The following STON2 variants were observed in gnomAD, a reference collection of about 807,000 sequenced individuals.
The protein encoded by STON2 is stonin-2.
A neutral mutation model predicts 65.7 loss-of-function variants in STON2; 29 were observed. That is an observed-to-expected ratio of 0.44 (90% CI 0.33 to 0.60). The LOEUF is 0.60. Among genes scored for constraint, STON2 ranks in the 20% least tolerant of loss-of-function variants. The pLI is 0.03. For synonymous variants in STON2, 404 were observed against 414.2 expected (o/e 0.98, Z 0.30); for missense variants, 1,054 against 1,118.1 (o/e 0.94, Z 0.82).
intron 4 of STON2, among the ~76,000 whole-genome samples, chr14:81,334,537 G>A (rs1048511215): frequency 2.0e-5 from 3 of 152,188 alleles, no homozygotes; most frequent in Admixed American, 2.0e-4. Flanking sequence ...GCCCAGGCAA[G>A]CTCTTCATAT....
chr14:81,347,454 C>A (rs1216611954), intron 4 of STON2, among the ~76,000 whole-genome samples: 2 of 151,392 alleles, frequency 1.3e-5, no homozygotes, highest in Non-Finnish European at 2.9e-5. Context: ...AAAGAAAAGC[C>A]CAGGGTCAGA....
intron 4 of STON2, among the ~76,000 whole-genome samples, chr14:81,334,867 T>A (rs1354073848): frequency 6.6e-6 from 1 of 152,146 alleles, no homozygotes; most frequent in Non-Finnish European, 1.5e-5. Context: ...AGACAGAGTC[T>A]CATTCTGTCA....
chr14:81,301,037 G>A (rs1002927281), intron 5 of STON2, among the ~76,000 whole-genome samples: 2 of 152,058 alleles, frequency 1.3e-5, no homozygotes, highest in Non-Finnish European at 2.9e-5. Flanking sequence ...ACAACATGAC[G>A]AATCTCATAA....
chr14:81,271,352 G>A (rs556519634), intron 6 of STON2, among the ~76,000 whole-genome samples: 2 of 152,186 alleles, frequency 1.3e-5, no homozygotes, highest in South Asian at 2.1e-4. Context: ...ATGCTTTTGC[G>A]GGTAAATGAT....
intron 7 of STON2, chr14:81,269,507 T>C (rs1249703107): frequency 9.1e-6 from 9 of 985,318 alleles, no homozygotes; most frequent in Non-Finnish European, 1.1e-5. Context: ...AGGTTGCTCC[T>C]CTCAGCACCA....
intron 6 of STON2, among the ~76,000 whole-genome samples, chr14:81,272,868 T>C (rs1166479650): frequency 6.6e-6 from 1 of 152,180 alleles, no homozygotes; most frequent in East Asian, 1.9e-4. Flanking sequence ...CCCTATTTTA[T>C]AGATGAAAAA....
chr14:81,405,105 CTTGAATCTGTATGTCCAT>C (rs1282024928), upstream of STON2, among the ~76,000 whole-genome samples: 5 of 152,186 alleles, frequency 3.3e-5, no homozygotes, highest in African/African-American at 1.2e-4. Context: ...AGTGGAGTTT[CTTGAATCTGTATGTCCAT>C]TTTTTCATTA....
At chr14:81,372,689 A>T in intron 3 of STON2, among the ~76,000 whole-genome samples, 1 of 152,154 alleles carries the variant, frequency 6.6e-6, no homozygotes, top group East Asian at 1.9e-4. Context: ...AGTACCCATC[A>T]AATGTCAGGT....
At chr14:81,379,408 G>A (rs185140182) in intron 3 of STON2, among the ~76,000 whole-genome samples, 1 of 152,130 alleles carries the variant, frequency 6.6e-6, no homozygotes, top group African/African-American at 2.4e-5. Context: ...TATATATGGA[G>A]ATATATATAT....
chr14:81,338,214 A>G (rs954831962), intron 4 of STON2, among the ~76,000 whole-genome samples: 7 of 152,194 alleles, frequency 4.6e-5, no homozygotes, highest in African/African-American at 1.7e-4. Context: ...AGGGGAACCA[A>G]CCATGTGATG....
Position 81,270,868 on chromosome 14 carries a change from G to A in STON2, c.2586C>T (p.Ser862=), listed in dbSNP as rs761988062. Reference sequence around the variant, plus strand: ...GGCAAAAGAAACAGTGTGGGTGACCGGAAGCTATGAAAGAAAGACAATCGA... The same window carrying A: ...GGCAAAAGAAACAGTGTGGGTGACCAGAAGCTATGAAAGAAAGACAATCGA... The part of the protein sequence containing the change: ...INRLPDKNSA[S]GHPHCFFCHL... Residue 862 remains serine (S), a synonymous_variant, in exon 7 of 8, where the codon TCC becomes TCT. Transcript: ENST00000614646. The A allele has an allele frequency of 1.1e-5, 17 of 1,612,308 alleles. No individual in the cohort carries two copies. The highest frequency in any genetic ancestry group is 2.7e-5 in the African/African-American group (2 of 74,872).
In STON2 at chr14:81,398,589, C is replaced by CA. The variant is rs2140444956; in HGVS notation, c.-198-10dup. ...ATCTGCCAGGCAGAAATCTGTTTAACAAACAAACAAACAAAAAATTAAAAA... is the reference window on the plus strand; with the variant it reads ...ATCTGCCAGGCAGAAATCTGTTTAACAAAACAAACAAACAAAAAATTAAAAA... On this transcript the variant is annotated splice_polypyrimidine_tract_variant and intron_variant, in intron 1 of 7. Coordinates refer to ENST00000614646, the MANE Select transcript of STON2 (RefSeq NM_001394390.1). The CA allele has an allele frequency of 1.1e-5, 5 of 469,996 alleles. No individual in the cohort carries two copies. Among genetic ancestry groups the CA allele is most frequent in the Non-Finnish European group, 1.9e-5 (5 of 266,958 alleles). The allele number at this position is 469,996 out of a possible 1,614,324, so 29.1% of individuals were successfully genotyped here. A position where few individuals can be genotyped will look rare whatever the true frequency, so the allele number is the denominator to read the frequency against.
At chr14:81,287,600 A>T (rs879934040) in intron 5 of STON2, among the ~76,000 whole-genome samples, 57 of 151,798 alleles carry the variant, frequency 3.8e-4, no homozygotes, top group Admixed American at 2.1e-3. Context: ...CCCAGCTTTC[A>T]TTTTTTTTGC....
Position 81,277,765 on chromosome 14 carries a change from G to GAAATACCCTC in STON2, c.1716_1717insGAGGGTATTT (p.Pro573GlufsTer17). 6.2e-7 allele frequency: 1 copy of GAAATACCCTC among 1,614,186 alleles called. No homozygotes were observed. Among genetic ancestry groups the GAAATACCCTC allele is most frequent in the South Asian group, 1.1e-5 (1 of 91,088 alleles). ...CTCTCTGCTGTGTGGGCCACAGCAG[G>GAAATACCCTC]TTTGGGCTGGTATTTCTTCTTCTCT... On this transcript the variant is annotated frameshift_variant, in exon 6 of 8. Transcript: ENST00000614646. LOFTEE classifies it high-confidence loss of function.
chr14:81,358,720 A>ATT (rs1898362163), intron 4 of STON2, among the ~76,000 whole-genome samples: 3 of 152,278 alleles, frequency 2.0e-5, no homozygotes, highest in African/African-American at 7.2e-5. Context: ...ATGGCAACCA[A>ATT]AAGAGAGCTG....
At chr14:81,336,975 C>T (rs900795267) in intron 4 of STON2, among the ~76,000 whole-genome samples, 1 of 152,122 alleles carries the variant, frequency 6.6e-6, no homozygotes, top group African/African-American at 2.4e-5. Flanking sequence ...GGGGAAGTTG[C>T]AGAACTTTCC....
intron 5 of STON2, among the ~76,000 whole-genome samples, chr14:81,322,952 T>C (rs1896873778): frequency 1.3e-5 from 2 of 152,208 alleles, no homozygotes; most frequent in South Asian, 4.1e-4. Flanking sequence ...CCTTCACAGG[T>C]GTCATGGCAG....
chr14:81,398,937 C>T (rs889917394), intron 1 of STON2, among the ~76,000 whole-genome samples: 1 of 152,186 alleles, frequency 6.6e-6, no homozygotes, highest in Non-Finnish European at 1.5e-5. Context: ...CTCTTACTAG[C>T]TGGCAAAATA....
intron 2 of STON2, among the ~76,000 whole-genome samples, chr14:81,424,714 C>T (rs58856082): frequency 0.03 from 4,596 of 152,214 alleles, 236 homozygotes; most frequent in African/African-American, 0.1. Flanking sequence ...GGGCTCTCAT[C>T]TCAGTGGCTA....
Sources: gnomAD v4.1 joint callset for allele counts (sites outside exome capture counted in the v4.1 genomes callset) on GRCh38, gnomAD v4.1.1 for gene constraint, MANE v1.5 for transcripts, NCBI Gene and HGNC (gene_info 2026-07-23, HGNC 2026-07-21) for gene names.